Variants in CHPF2 observed in about 807,000 individuals in gnomAD.
The protein encoded by CHPF2 is chondroitin polymerizing factor 2, non-catalytic subunit.
In CHPF2, 58 loss-of-function variants were observed where a neutral mutation model predicts 63.0. That is an observed-to-expected ratio of 0.92 (90% CI 0.75 to 1.15). CHPF2 has a LOEUF of 1.15. CHPF2 is among the 50% of genes most tolerant of loss of function. CHPF2 has a pLI of 0.00. For missense variants in CHPF2, 1,045 were observed against 1,035.4 expected (o/e 1.01, Z -0.13); for synonymous variants, 442 against 438.0 (o/e 1.01, Z -0.11).
In CHPF2 at chr7:151,233,981, C is replaced by G; in HGVS notation, c.-31C>G. The G allele has an allele frequency of 6.8e-7, 1 of 1,477,180 alleles. No individual in the cohort carries two copies. The allele number at this position is 1,477,180 out of a possible 1,614,324, so 91.5% of individuals were successfully genotyped here. A position where few individuals can be genotyped will look rare whatever the true frequency, so the allele number is the denominator to read the frequency against. ...TCCATTGATCCTTGAGGCTGTGCCCCTGGGGCACCCACCTGGCAGGGCCTA... is the reference window on the plus strand; with the variant it reads ...TCCATTGATCCTTGAGGCTGTGCCCGTGGGGCACCCACCTGGCAGGGCCTA... On this transcript the variant is annotated 5_prime_UTR_variant, in exon 1 of 4. Coordinates refer to ENST00000035307, the MANE Select transcript of CHPF2 (RefSeq NM_019015.3).
chr7:151,237,254 C>T (rs892524791), intron 3 of CHPF2, 120 bp from the exon 4 acceptor site: 8 of 690,372 alleles, frequency 1.2e-5, no homozygotes, highest in Non-Finnish European at 1.9e-5. Context: ...AGGGACCCCT[C>T]ACTAAGTGTT....
In CHPF2 at chr7:151,235,060, C is replaced by T. The variant is rs763259838; in HGVS notation, c.276C>T (p.Ile92=). Residue 92 remains isoleucine, a synonymous_variant, in exon 2 of 4, where the codon ATC becomes ATT. Coordinates refer to ENST00000035307, the MANE Select transcript of CHPF2 (RefSeq NM_019015.3). ...GGTCTTTCCACAGGACTCGGTACAT[C>T]CAGACAGAGCTGGGCTCCCGTGAGC... ...PYKKVLRTRY[I]QTELGSRERL... 3 of 1,554,872 alleles carry T rather than the reference C, an allele frequency of 1.9e-6. No homozygotes were observed. The highest frequency in any genetic ancestry group is 2.6e-6 in the Non-Finnish European group (3 of 1,146,430).
At position 151,235,235 on chromosome 7, in the gene CHPF2, C is replaced by G; in HGVS notation, c.451C>G (p.His151Asp). Residue 151 changes from histidine to aspartate, a missense_variant, in exon 2 of 4, where the codon CAT becomes GAT. His to Asp is a moderately conservative substitution (Grantham distance 81, BLOSUM62 -1). Coordinates refer to ENST00000035307, the MANE Select transcript of CHPF2 (RefSeq NM_019015.3). ...TCCAGCAGGGATGCAGGTGGTGTCTCATGGGGATGAGCGGCCCGCCTGGCT... is the reference window on the plus strand; with the variant it reads ...TCCAGCAGGGATGCAGGTGGTGTCTGATGGGGATGAGCGGCCCGCCTGGCT... Reference protein sequence around the residue: ...RAPAGMQVVSHGDERPAWLMS... With the variant: ...RAPAGMQVVSDGDERPAWLMS... 1 of 1,613,288 alleles carries G rather than the reference C, an allele frequency of 6.2e-7. No homozygotes were observed. Among genetic ancestry groups the G allele is most frequent in the Non-Finnish European group, 8.5e-7 (1 of 1,179,568 alleles).
rs1326385474 is a variant in CHPF2, at chr7:151,234,197, C to G, written c.186C>G (p.Asp62Glu). ...ATCCAGATTCCAGAGCTCGGCTAGA[C>G]CAAAGTGATGAAGACTTCAAACCCC... ...PQNPDSRARL[D>E]QSDEDFKPRI... The change falls in exon 1 of 4, where the codon GAC becomes GAG. Residue 62 changes from aspartate (D) to glutamate (E), a missense_variant. Asp to Glu is a conservative substitution (Grantham distance 45). Transcript: ENST00000035307. 10 of 1,613,494 alleles carry G rather than the reference C, an allele frequency of 6.2e-6. No homozygotes were observed. Among genetic ancestry groups the G allele is most frequent in the Non-Finnish European group, 8.5e-7 (1 of 1,179,806 alleles).
In CHPF2 at chr7:151,237,586, G is replaced by A. The variant is rs1442024976; in HGVS notation, c.1224G>A (p.Glu408=). Residue 408 remains glutamate, a synonymous_variant, in exon 4 of 4, where the codon GAG becomes GAA. Transcript: ENST00000035307. ...ASRADVGDAL[E]TALEQLNRRY... is the part of the protein sequence containing the mutation. ...GGGCGGACGTGGGTGATGCGTTGGA[G>A]ACTGCCCTGGAGCAGCTCAATCGGC... 1 of 1,613,654 alleles carries A rather than the reference G, an allele frequency of 6.2e-7. No individual in the cohort carries two copies.
chr7:151,236,241 T>C lies in CHPF2; in HGVS notation c.829-167T>C, dbSNP rs552316959. On this transcript the variant is annotated intron_variant, in intron 2 of 3. Transcript: ENST00000035307. ...TACTTGCTTTCTACTTTCCAAAATG[T>C]GGGCAGTGAAAGAACTGGGGTTAAG... 3.9e-5 allele frequency among the ~76,000 whole-genome samples: 6 copies of C among 152,322 alleles called. No individual in the cohort carries two copies. The South Asian group carries it at 1.2e-3, about 32-fold the overall frequency.
In CHPF2 at chr7:151,233,053, G is replaced by C. The variant is rs1802518536; in HGVS notation, c.-959G>C. On this transcript the variant is annotated 5_prime_UTR_variant, in exon 1 of 4. Coordinates refer to ENST00000035307, the MANE Select transcript of CHPF2 (RefSeq NM_019015.3). Reference sequence around the variant, plus strand: ...AGGGGTCCTGTCGGAAGCTGGCCGCGCTTCTGTTTGCGTTCCCAGGACCCT... The same window carrying C: ...AGGGGTCCTGTCGGAAGCTGGCCGCCCTTCTGTTTGCGTTCCCAGGACCCT... 8.0e-7 allele frequency: 1 copy of C among 1,255,532 alleles called. No individual in the cohort carries two copies. Among genetic ancestry groups the C allele is most frequent in the East Asian group, 3.2e-5 (1 of 31,024 alleles). 77.8% of individuals were successfully genotyped at this position (1,255,532 alleles called of 1,614,324 possible). A position where few individuals can be genotyped will look rare whatever the true frequency, so the allele number is the denominator to read the frequency against.
rs188793238 is a variant in CHPF2 at position 151,232,985 on chromosome 7, C to A, written c.-1027C>A. The A allele has an allele frequency of 6.5e-4, 835 of 1,289,428 alleles. 3 individuals carry two copies. The African/African-American group carries it at 0.012, about 18-fold the overall frequency. The allele number at this position is 1,289,428 out of a possible 1,614,324, so 79.9% of individuals were successfully genotyped here. Reference sequence around the variant, plus strand: ...TCTTCGTTCTAGGGCTAGACTTGGTCTCTGATCGCCGAGAGGTAGCGCAGG... The same window carrying A: ...TCTTCGTTCTAGGGCTAGACTTGGTATCTGATCGCCGAGAGGTAGCGCAGG... On this transcript the variant is annotated 5_prime_UTR_variant, in exon 1 of 4. Coordinates refer to ENST00000035307, the MANE Select transcript of CHPF2 (RefSeq NM_019015.3).
At position 151,235,442 on chromosome 7, in the gene CHPF2, G is replaced by A. The variant is rs746388318; in HGVS notation, c.658G>A (p.Ala220Thr). 49 of 1,612,000 alleles carry A rather than the reference G, an allele frequency of 3.0e-5. No homozygotes were observed. Among genetic ancestry groups the A allele is most frequent in the East Asian group, 1.8e-4 (8 of 44,902 alleles). ...GGAGTTCATTGGCGCAGGCGAGCAGGCCCGGTACTGTCATGGGGGCTTTGG... is the reference window on the plus strand; with the variant it reads ...GGAGTTCATTGGCGCAGGCGAGCAGACCCGGTACTGTCATGGGGGCTTTGG... ...AEEFIGAGEQ[A>T]RYCHGGFGYL... Residue 220 changes from alanine to threonine, a missense_variant, in exon 2 of 4, where the codon GCC becomes ACC. Ala to Thr is a moderately conservative substitution (Grantham distance 58). Coordinates refer to ENST00000035307, the MANE Select transcript of CHPF2 (RefSeq NM_019015.3).
Position 151,234,016 on chromosome 7 carries a change from G to T in CHPF2, c.5G>T (p.Arg2Leu), listed in dbSNP as rs772517432. Residue 2 changes from arginine (R) to leucine (L), a missense_variant, in exon 1 of 4, where the codon CGA becomes CTA. By Grantham distance (102) the Arg-to-Leu change is moderately radical. Coordinates refer to ENST00000035307, the MANE Select transcript of CHPF2 (RefSeq NM_019015.3). Reference sequence around the variant, plus strand: ...CACCTGGCAGGGCCTACCACCATGCGACTGAGCTCCCTGTTGGCTCTGCTG... The same window carrying T: ...CACCTGGCAGGGCCTACCACCATGCTACTGAGCTCCCTGTTGGCTCTGCTG... M[R>L]LSSLLALLRP... is the part of the protein sequence containing the mutation. The T allele has an allele frequency of 8.6e-6, 13 of 1,518,836 alleles. No individual in the cohort carries two copies. In the East Asian group the frequency reaches 3.1e-4, roughly 37 times the overall value. The allele number at this position is 1,518,836 out of a possible 1,614,324, so 94.1% of individuals were successfully genotyped here.
intron 1 of CHPF2, 139 bp downstream of exon 1, chr7:151,234,413 TTC>T: frequency 3.5e-6 from 2 of 575,040 alleles, no homozygotes; most frequent in Non-Finnish European, 2.8e-6. Context: ...CATGGTTTCT[TTC>T]TGTTTTTTCC....
At chr7:151,236,355 T>C in intron 2 of CHPF2, 53 bp from the exon 3 acceptor site, 1 of 1,485,402 alleles carries the variant, frequency 6.7e-7, no homozygotes, top group Admixed American at 2.0e-5. Context: ...TAAGGGCGGT[T>C]TGGGACTGGC....
intron 1 of CHPF2, among the ~76,000 whole-genome samples, chr7:151,234,616 C>T (rs748400499): frequency 3.9e-5 from 6 of 152,100 alleles, no homozygotes; most frequent in Non-Finnish European, 7.3e-5. Context: ...CTCAGCCTTG[C>T]GAGTAGCTGG....
chr7:151,237,835 G>A lies in CHPF2; in HGVS notation c.1473G>A (p.Leu491=), dbSNP rs979882314. Residue 491 remains leucine (L), a synonymous_variant, in exon 4 of 4, where the codon CTG becomes CTA. Coordinates refer to ENST00000035307, the MANE Select transcript of CHPF2 (RefSeq NM_019015.3). ...PYVTEATRVQ[L]VLPLLVAEAA... Reference sequence around the variant, plus strand: ...TCACTGAGGCCACCCGAGTGCAGCTGGTGCTGCCACTCCTGGTGGCTGAAG... The same window carrying A: ...TCACTGAGGCCACCCGAGTGCAGCTAGTGCTGCCACTCCTGGTGGCTGAAG... 6.8e-6 allele frequency: 11 copies of A among 1,612,540 alleles called. No individual in the cohort carries two copies. The East Asian group carries it at 2.2e-4, about 33-fold the overall frequency.
rs752470752 is a variant in CHPF2 at position 151,235,248 on chromosome 7, G to A, written c.464G>A (p.Arg155Gln). ...GMQVVSHGDE[R>Q]PAWLMSETLR... The stretch of plus-strand genomic sequence containing the variant: ...CAGGTGGTGTCTCATGGGGATGAGC[G>A]GCCCGCCTGGCTCATGTCAGAGACC... Residue 155 changes from arginine (R) to glutamine (Q), a missense_variant, in exon 2 of 4, where the codon CGG becomes CAG. Transcript: ENST00000035307. 7.1e-5 allele frequency: 115 copies of A among 1,613,066 alleles called. No individual in the cohort carries two copies. The highest frequency in any genetic ancestry group is 8.8e-5 in the Non-Finnish European group (104 of 1,179,378).
Position 151,238,481 on chromosome 7 carries a change from G to GT in CHPF2, c.2123dup (p.Leu709ProfsTer31). 1 of 1,589,704 alleles carries GT rather than the reference G, an allele frequency of 6.3e-7. No individual in the cohort carries two copies. The highest frequency in any genetic ancestry group is 8.6e-7 in the Non-Finnish European group (1 of 1,165,046). On this transcript the variant is annotated frameshift_variant, in exon 4 of 4. Coordinates refer to ENST00000035307, the MANE Select transcript of CHPF2 (RefSeq NM_019015.3). LOFTEE classifies it high-confidence loss of function. ...CCTGGAGGGGCTGGAGGTGATGGAT[G>GT]TTTTCCTCCGGTTCTCAGGGCTCCA...
In CHPF2 at chr7:151,232,878, C is replaced by G; in HGVS notation, c.-1134C>G. 1 of 1,398,396 alleles carries G rather than the reference C, an allele frequency of 7.2e-7. No homozygotes were observed. The highest frequency in any genetic ancestry group is 1.5e-5 in the African/African-American group (1 of 66,030). 86.6% of individuals were successfully genotyped at this position (1,398,396 alleles called of 1,614,324 possible). On this transcript the variant is annotated 5_prime_UTR_variant, in exon 1 of 4. Transcript: ENST00000035307. ...GCCTCGCAGAACGACCCGAGCTGGT[C>G]TCCCGAGCCCCCTTCTCAGCAGCCC...
At position 151,233,197 on chromosome 7, in the gene CHPF2, C is replaced by A; in HGVS notation, c.-815C>A. Reference sequence around the variant, plus strand: ...CTCGCACACAGAGTTCCAGTCCCCGCCTGCTGTCTCCTCAGCAGCTGGGGT... The same window carrying A: ...CTCGCACACAGAGTTCCAGTCCCCGACTGCTGTCTCCTCAGCAGCTGGGGT... On this transcript the variant is annotated 5_prime_UTR_variant, in exon 1 of 4. Transcript: ENST00000035307. 1 of 1,025,144 alleles carries A rather than the reference C, an allele frequency of 9.8e-7. No individual in the cohort carries two copies. The highest frequency in any genetic ancestry group is 1.2e-6 in the Non-Finnish European group (1 of 856,254). The allele number at this position is 1,025,144 out of a possible 1,614,324, so 63.5% of individuals were successfully genotyped here. A position where few individuals can be genotyped will look rare whatever the true frequency, so the allele number is the denominator to read the frequency against.
chr7:151,232,895 C>T lies in CHPF2; in HGVS notation c.-1117C>T. The T allele has an allele frequency of 5.8e-6, 8 of 1,377,310 alleles. No homozygotes were observed. In the South Asian group the frequency reaches 6.5e-5, roughly 11 times the overall value. 85.3% of individuals were successfully genotyped at this position (1,377,310 alleles called of 1,614,324 possible). On this transcript the variant is annotated 5_prime_UTR_variant, in exon 1 of 4. Coordinates refer to ENST00000035307, the MANE Select transcript of CHPF2 (RefSeq NM_019015.3). Reference sequence around the variant, plus strand: ...GAGCTGGTCTCCCGAGCCCCCTTCTCAGCAGCCCGGTGACGTGGCCAGTTT... The same window carrying T: ...GAGCTGGTCTCCCGAGCCCCCTTCTTAGCAGCCCGGTGACGTGGCCAGTTT...
Sources: gnomAD v4.1 joint callset for allele counts (sites outside exome capture counted in the v4.1 genomes callset) on GRCh38, gnomAD v4.1.1 for gene constraint, MANE v1.5 for transcripts, NCBI Gene and HGNC (gene_info 2026-07-23, HGNC 2026-07-21) for gene names.